The following IRX2 variants were observed in gnomAD, a reference collection of about 807,000 sequenced individuals.
IRX2 encodes iroquois homeobox 2.
In IRX2, 26 loss-of-function variants were observed where a neutral mutation model predicts 42.9. The ratio of observed to expected loss-of-function variants is 0.61; its 90% confidence interval spans 0.44 to 0.84. IRX2 has a LOEUF of 0.84. Among genes scored for constraint, IRX2 ranks in the 40% least tolerant of loss-of-function variants. IRX2 has a pLI of 0.00. For missense variants in IRX2, 782 were observed against 713.9 expected (o/e 1.10, Z -1.09); for synonymous variants, 424 against 353.9 (o/e 1.20, Z -2.22).
the IRX2 span, among the ~76,000 whole-genome samples, chr5:2,739,256 A>G: frequency 6.6e-6 from 1 of 152,184 alleles, no homozygotes; most frequent in East Asian, 1.9e-4. Context: ...CCGTGCGCCC[A>G]AGGGGCGTCC....
chr5:2,738,411 G>A, the IRX2 span, among the ~76,000 whole-genome samples: 1 of 152,178 alleles, frequency 6.6e-6, no homozygotes, highest in East Asian at 1.9e-4. Context: ...TTGAGAGCCA[G>A]GGAGAATAAA....
chr5:2,745,046 C>T (rs1447116084), downstream of IRX2, among the ~76,000 whole-genome samples: 1 of 152,164 alleles, frequency 6.6e-6, no homozygotes, highest in African/African-American at 2.4e-5. Context: ...TCAACTGGTC[C>T]AGCAATTTCC....
At chr5:2,747,685 C>T in intron 3 of IRX2, 69 bp from the exon 4 acceptor site, 1 of 1,478,488 alleles carries the variant, frequency 6.8e-7, no homozygotes, top group Non-Finnish European at 9.4e-7. Flanking sequence ...CCACCGTGCA[C>T]CCACCATCCT....
Position 2,747,015 on chromosome 5 carries a change from AG to A in IRX2, c.*548del, listed in dbSNP as rs1204675837. ...GACATGGGTGGAGGGGAGGTTGGAC[AG>A]GGCTGATAAAAGACTAGTACGCCTC... is the stretch of plus-strand genomic sequence containing the variant. On this transcript the variant is annotated 3_prime_UTR_variant, in exon 4 of 4. Coordinates refer to ENST00000302057, the MANE Select transcript of IRX2 (RefSeq NM_033267.5). 6.6e-6 allele frequency: 1 copy of A among 152,120 alleles called. No individual in the cohort carries two copies. Among genetic ancestry groups the A allele is most frequent in the Non-Finnish European group, 1.5e-5 (1 of 68,008 alleles). The allele number at this position is 152,120 out of a possible 1,614,324, so 9.4% of individuals were successfully genotyped here. A position where few individuals can be genotyped will look rare whatever the true frequency, so the allele number is the denominator to read the frequency against.
At chr5:2,749,914 T>A (rs1004779260) in intron 1 of IRX2, 127 bp from the exon 2 acceptor site, 1 of 961,478 alleles carries the variant, frequency 1.0e-6, no homozygotes, top group Non-Finnish European at 1.5e-6. Flanking sequence ...GGGCTGCGCT[T>A]CCCGCCGCAA....
At chr5:2,740,907 T>C (rs897412913), downstream of IRX2, among the ~76,000 whole-genome samples, 2 of 152,092 alleles carry the variant, frequency 1.3e-5, no homozygotes, top group Admixed American at 6.5e-5. Context: ...CCTCCGAGCT[T>C]ACTGAGCACC....
rs1579633604 is a variant in IRX2, at chr5:2,751,282, C to G, written c.132G>C (p.Ala44=). The change falls in exon 1 of 4, where the codon GCG becomes GCC. Residue 44 remains alanine, a synonymous_variant. Transcript: ENST00000302057. This position sits in a 1 kb window ranked among gnomAD's most constrained non-coding sequence, Gnocchi z 4.0. ...EELARSASGS[A]FSPYPGSAAF... Reference sequence around the variant, plus strand: ...CCGCCGAGCCCGGGTAGGGGCTGAACGCCGAGCCCGACGCCGAGCGCGCCA... The same window carrying G: ...CCGCCGAGCCCGGGTAGGGGCTGAAGGCCGAGCCCGACGCCGAGCGCGCCA... 1.4e-6 allele frequency: 2 copies of G among 1,429,316 alleles called. No homozygotes were observed. Among genetic ancestry groups the G allele is most frequent in the East Asian group, 6.4e-5 (2 of 31,142 alleles). The allele number at this position is 1,429,316 out of a possible 1,614,324, so 88.5% of individuals were successfully genotyped here.
In IRX2 at chr5:2,748,888, C is replaced by T. The variant is rs765498490; in HGVS notation, c.820G>A (p.Glu274Lys). 1.9e-6 allele frequency: 3 copies of T among 1,595,630 alleles called. No homozygotes were observed. The highest frequency in any genetic ancestry group is 1.7e-6 in the Non-Finnish European group (2 of 1,179,028). ...EDDEDDDEEGERGLAPPKPVT... is the reference protein window; with the variant it reads ...EDDEDDDEEGKRGLAPPKPVT... ...GGCTTGGGCGGCGCCAGGCCCCGCT[C>T]GCCCTCCTCGTCGTCGTCCTCGTCG... The change falls in exon 3 of 4, where the codon GAG becomes AAG. Residue 274 changes from glutamate to lysine, a missense_variant. Glu to Lys is a moderately conservative substitution (Grantham distance 56). Coordinates refer to ENST00000302057, the MANE Select transcript of IRX2 (RefSeq NM_033267.5).
rs1199176093 is a variant in IRX2, at chr5:2,749,720, G to A, written c.317C>T (p.Ala106Val). The A allele has an allele frequency of 6.2e-7, 1 of 1,613,874 alleles. No individual in the cohort carries two copies. The change falls in exon 2 of 4, where the codon GCG (alanine) becomes GTG (valine). Residue 106 changes from alanine (A) to valine (V), a missense_variant. This residue lies in a region of IRX2 where 256 missense variants were observed against 250.0 expected (regional missense o/e 1.02). Coordinates refer to ENST00000302057, the MANE Select transcript of IRX2 (RefSeq NM_033267.5). ...GTCGTTGAGCTGGTACGGGTAGGCC[G>A]CGCTGCCGTACGGGTGGTAGCTGAT... ...GAISYHPYGS[A>V]AYPYQLNDPA...
chr5:2,742,221 A>C (rs1737559670), downstream of IRX2, among the ~76,000 whole-genome samples: 1 of 152,184 alleles, frequency 6.6e-6, no homozygotes, highest in African/African-American at 2.4e-5. Context: ...TCTTCCACCC[A>C]TCAATGGCTG....
At chr5:2,750,064 C>A (rs973246495) in intron 1 of IRX2, among the ~76,000 whole-genome samples, 1 of 152,294 alleles carries the variant, frequency 6.6e-6, no homozygotes, top group South Asian at 2.1e-4. Context: ...CCGCTCGTGG[C>A]AATGTACACA....
chr5:2,740,173 C>T, the IRX2 span, among the ~76,000 whole-genome samples: 9 of 145,484 alleles, frequency 6.2e-5, no homozygotes, highest in African/African-American at 2.4e-4. Context: ...CCGGGGCAGT[C>T]GTGGCGTGCG....
rs773587406 is a variant in IRX2, at chr5:2,748,548, G to A, written c.1160C>T (p.Pro387Leu). 11 of 1,576,630 alleles carry A rather than the reference G, an allele frequency of 7.0e-6. No individual in the cohort carries two copies. Among genetic ancestry groups the A allele is most frequent in the Admixed American group, 5.3e-5 (3 of 56,122 alleles). The change falls in exon 3 of 4, where the codon CCC becomes CTC. Residue 387 changes from proline (P) to leucine (L), a missense_variant. Coordinates refer to ENST00000302057, the MANE Select transcript of IRX2 (RefSeq NM_033267.5). ...LLGRPLYYTS[P>L]FYGNYTNYGN... is the part of the protein sequence containing the mutation. ...GTAGTTTGTGTAGTTGCCGTAGAAG[G>A]GCGACGTGTAGTAGAGGGGGCGGCC...
chr5:2,739,226 C>T, the IRX2 span, among the ~76,000 whole-genome samples: 2 of 152,244 alleles, frequency 1.3e-5, no homozygotes, highest in Non-Finnish European at 2.9e-5. Flanking sequence ...CAACCCACCC[C>T]GAGCCCGCCG....
In IRX2 at chr5:2,751,484, C is replaced by T. The variant is rs1737985780; in HGVS notation, c.-71G>A. ...GGGCGCGCGGCGCCCTCCATCCACGCCCGGCCGGGGCGCGGCGCGGCGGCG... is the reference window on the plus strand; with the variant it reads ...GGGCGCGCGGCGCCCTCCATCCACGTCCGGCCGGGGCGCGGCGCGGCGGCG... On this transcript the variant is annotated 5_prime_UTR_variant, in exon 1 of 4. Coordinates refer to ENST00000302057, the MANE Select transcript of IRX2 (RefSeq NM_033267.5). The surrounding 1 kb of genome is among the most constrained non-coding windows in gnomAD (Gnocchi z 4.0). 1.7e-5 allele frequency: 17 copies of T among 975,858 alleles called. No homozygotes were observed. The South Asian group carries it at 2.3e-4, about 13-fold the overall frequency. The allele number at this position is 975,858 out of a possible 1,614,324, so 60.4% of individuals were successfully genotyped here.
At chr5:2,748,164 A>G (rs1737748588) in intron 3 of IRX2, among the ~76,000 whole-genome samples, 181 bp downstream of exon 3, 1 of 152,236 alleles carries the variant, frequency 6.6e-6, no homozygotes, top group African/African-American at 2.4e-5. Flanking sequence ...AAGTCTAAAA[A>G]GAGGGCCACA....
chr5:2,745,722 A>C (rs1737645206), downstream of IRX2: 1 of 152,170 alleles, frequency 6.6e-6, no homozygotes, highest in Non-Finnish European at 1.5e-5. Flanking sequence ...TTTAAAAAAA[A>C]CAATTATTTC....
chr5:2,751,242 C>T lies in IRX2; in HGVS notation c.172G>A (p.Ala58Thr). 1 of 1,393,154 alleles carries T rather than the reference C, an allele frequency of 7.2e-7. No homozygotes were observed. Among genetic ancestry groups the T allele is most frequent in the Non-Finnish European group, 9.3e-7 (1 of 1,072,952 alleles). 86.3% of individuals were successfully genotyped at this position (1,393,154 alleles called of 1,614,324 possible). A position where few individuals can be genotyped will look rare whatever the true frequency, so the allele number is the denominator to read the frequency against. The stretch of plus-strand genomic sequence containing the variant: ...AGCGGGCTCCCGAAGCCGGTGGCCG[C>T]CTGCGCCGTGAAGGCCGCCGAGCCC... ...YPGSAAFTAQAATGFGSPLQY... is the reference protein window; with the variant it reads ...YPGSAAFTAQTATGFGSPLQY... Residue 58 changes from alanine (A) to threonine (T), a missense_variant, in exon 1 of 4, where the codon GCG (alanine) becomes ACG (threonine). By Grantham distance (58) the Ala-to-Thr change is moderately conservative. Coordinates refer to ENST00000302057, the MANE Select transcript of IRX2 (RefSeq NM_033267.5). The surrounding 1 kb of genome is among the most constrained non-coding windows in gnomAD (Gnocchi z 4.0).
the IRX2 span, among the ~76,000 whole-genome samples, chr5:2,739,553 G>A: frequency 6.6e-6 from 1 of 152,234 alleles, no homozygotes; most frequent in African/African-American, 2.4e-5. Context: ...GGACCGGGGA[G>A]GAGAGGAAGG....
Sources: allele counts gnomAD v4.1 joint callset (sites outside exome capture counted in the v4.1 genomes callset), GRCh38; gene constraint gnomAD v4.1.1; regional missense constraint gnomAD v4.1.1; non-coding constraint Gnocchi (gnomAD v3.1); transcripts MANE v1.5; gene names NCBI Gene and HGNC (gene_info 2026-07-23, HGNC 2026-07-21).